ASNS: variants seen among roughly 807,000 people sequenced by gnomAD.
ASNS encodes the protein asparagine synthetase (glutamine-hydrolyzing).
A neutral mutation model predicts 62.6 loss-of-function variants in ASNS; 37 were observed. The ratio of observed to expected loss-of-function variants is 0.59; its 90% confidence interval spans 0.45 to 0.78. The LOEUF (loss-of-function observed/expected upper bound fraction) is 0.78, where lower values mean the gene tolerates loss of function less well. ASNS is among the 30% of genes least tolerant of loss of function. The pLI is 0.00. For missense variants in ASNS, 520 were observed against 682.4 expected, an observed-to-expected ratio of 0.76 and a Z score of 2.65; for synonymous variants, 207 against 237.9, an observed-to-expected ratio of 0.87 and a Z score of 1.19.
the ASNS span, among the ~76,000 whole-genome samples, chr7:97,924,685 T>G: frequency 6.6e-6 from 1 of 152,216 alleles, no homozygotes; most frequent in African/African-American, 2.4e-5. Flanking sequence ...GCAAGTCTTG[T>G]GCAGAAAGCC....
chr7:97,868,856 A>T (rs754138368), intron 3 of ASNS, 52 bp downstream of exon 3: 29 of 1,600,488 alleles, frequency 1.8e-5, no homozygotes, highest in Non-Finnish European at 2.4e-5. Context: ...CATCGTAACC[A>T]ACAAACTCTG....
chr7:97,908,678 A>C, the ASNS span: 5 of 152,218 alleles, frequency 3.3e-5, no homozygotes, highest in African/African-American at 9.6e-5. Context: ...CTAAGATTAC[A>C]GGCATGAGTC....
At chr7:97,918,489 A>C in the ASNS span, among the ~76,000 whole-genome samples, 472 of 150,182 alleles carry the variant, frequency 3.1e-3, no homozygotes, top group African/African-American at 0.01. Flanking sequence ...CGTCAGAATA[A>C]CTGCTGGGAG....
At chr7:97,913,690 C>T in the ASNS span, among the ~76,000 whole-genome samples, 1 of 151,350 alleles carries the variant, frequency 6.6e-6, no homozygotes, top group South Asian at 2.1e-4. Flanking sequence ...TCAATTTGAG[C>T]CCAGGGAATC....
the ASNS span, among the ~76,000 whole-genome samples, chr7:97,882,443 G>T: frequency 6.6e-6 from 1 of 152,026 alleles, no homozygotes; most frequent in African/African-American, 2.4e-5. Context: ...AGCTACTCGG[G>T]AGGCTGAGGC....
chr7:97,854,215 T>C (rs1791319657), intron 10 of ASNS, among the ~76,000 whole-genome samples: 1 of 152,234 alleles, frequency 6.6e-6, no homozygotes, highest in Non-Finnish European at 1.5e-5. Flanking sequence ...TCTTTACTTC[T>C]CTTTAAAACA....
the ASNS span, among the ~76,000 whole-genome samples, chr7:97,889,324 C>T: frequency 6.6e-6 from 1 of 152,126 alleles, no homozygotes; most frequent in Admixed American, 6.5e-5. Context: ...CGAGAGCAGC[C>T]TGGCCAACAT....
chr7:97,923,071 T>A, the ASNS span, among the ~76,000 whole-genome samples: 22 of 152,286 alleles, frequency 1.4e-4, no homozygotes, highest in African/African-American at 5.1e-4. Flanking sequence ...ATTACAGGTG[T>A]GAGCCACTGC....
intron 12 of ASNS, 108 bp downstream of exon 12, chr7:97,852,952 A>G (rs1791254555): frequency 9.3e-7 from 1 of 1,077,338 alleles, no homozygotes; most frequent in African/African-American, 1.6e-5. Flanking sequence ...TACATGTATC[A>G]TTCAAACTAA....
chr7:97,880,651 G>A, the ASNS span, among the ~76,000 whole-genome samples: 7 of 152,190 alleles, frequency 4.6e-5, no homozygotes, highest in Admixed American at 2.0e-4. Context: ...GGATCCCAGT[G>A]CATTTTGAGG....
chr7:97,854,936 G>A, intron 9 of ASNS: 1 of 512,102 alleles, frequency 2.0e-6, no homozygotes. Flanking sequence ...GCAGAAAGGG[G>A]ATTCTCAAGC....
At chr7:97,926,769 C>G in the ASNS span, among the ~76,000 whole-genome samples, 1 of 152,130 alleles carries the variant, frequency 6.6e-6, no homozygotes, top group Non-Finnish European at 1.5e-5. Flanking sequence ...CATGCGATTC[C>G]CATTTCCCTT....
At chr7:97,853,767 A>T (rs1791299994) in intron 10 of ASNS, among the ~76,000 whole-genome samples, 1 of 152,214 alleles carries the variant, frequency 6.6e-6, no homozygotes, top group African/African-American at 2.4e-5. Flanking sequence ...CTCTTCTAAC[A>T]ATTGTGATGA....
intron 7 of ASNS, among the ~76,000 whole-genome samples, chr7:97,857,522 A>G (rs983280697): frequency 2.0e-5 from 3 of 147,340 alleles, no homozygotes; most frequent in African/African-American, 7.5e-5. Flanking sequence ...AGACACTATT[A>G]TTTTGGTTAC....
At chr7:97,914,898 A>C in the ASNS span, among the ~76,000 whole-genome samples, 2 of 152,208 alleles carry the variant, frequency 1.3e-5, no homozygotes, top group Non-Finnish European at 2.9e-5. Context: ...AATGGGGAAA[A>C]ATTCTAAGCA....
At chr7:97,889,281 G>A in the ASNS span, among the ~76,000 whole-genome samples, 1 of 152,198 alleles carries the variant, frequency 6.6e-6, no homozygotes, top group African/African-American at 2.4e-5. Context: ...CACTTTGAGA[G>A]GCCGAGGCGG....
the ASNS span, among the ~76,000 whole-genome samples, chr7:97,882,823 A>G: frequency 6.6e-6 from 1 of 152,204 alleles, no homozygotes. Context: ...GATGAAAAAC[A>G]TGGCTGAGTG....
In ASNS at chr7:97,854,583, T is replaced by C. The variant is rs201394816; in HGVS notation, c.1235A>G (p.His412Arg). 7 of 1,612,612 alleles carry C rather than the reference T, an allele frequency of 4.3e-6. No homozygotes were observed. The highest frequency in any genetic ancestry group is 1.3e-5 in the African/African-American group (1 of 74,972). Residue 412 changes from histidine to arginine, a missense_variant, in exon 10 of 13, where the codon CAT becomes CGT. By Grantham distance (29) the His-to-Arg change is conservative. Transcript: ENST00000394308. Reference protein sequence around the residue: ...VLRADRTTAAHGLELRVPFLD... With the variant: ...VLRADRTTAARGLELRVPFLD... ...CAATAGCCTCTAAAAATATTACCCA[T>C]GGGCAGCAGTAGTTCGATCTGCGCG...
the ASNS span, among the ~76,000 whole-genome samples, chr7:97,884,384 A>G: frequency 6.6e-6 from 1 of 152,034 alleles, no homozygotes; most frequent in Non-Finnish European, 1.5e-5. Context: ...CCCCATCTCT[A>G]CTAAATATCC....
Sources: allele counts gnomAD v4.1 joint callset (sites outside exome capture counted in the v4.1 genomes callset), GRCh38; gene constraint gnomAD v4.1.1; transcripts MANE v1.5; gene names NCBI Gene and HGNC (gene_info 2026-07-23, HGNC 2026-07-21).